The following MFN2 variants were observed in gnomAD, a reference collection of about 807,000 sequenced individuals.
MFN2 encodes mitofusin-2.
A neutral mutation model predicts 87.5 loss-of-function variants in MFN2; 43 were observed. The observed-to-expected ratio is 0.49, with a 90% CI of 0.38 to 0.63. MFN2 has a LOEUF of 0.63. MFN2 is among the 30% of genes least tolerant of loss of function. MFN2 has a pLI of 0.00. For missense variants in MFN2, 743 were observed against 972.8 expected (o/e 0.76, Z 3.14); for synonymous variants, 337 against 359.9 (o/e 0.94, Z 0.72).
intron 3 of MFN2, 93 bp downstream of exon 3, chr1:11,989,436 A>G (rs1638579535): frequency 1.4e-6 from 2 of 1,423,926 alleles, no homozygotes; most frequent in Non-Finnish European, 9.6e-7. Context: ...CTCTGCTCCC[A>G]GGGAAGTCAT....
chr1:11,998,547 C>G (rs1557524441), intron 6 of MFN2, among the ~76,000 whole-genome samples: 1 of 95,908 alleles, frequency 1.0e-5, no homozygotes, highest in African/African-American at 3.9e-5. Flanking sequence ...GACTCTATAT[C>G]CAAAAACAAA....
At chr1:12,000,853 C>T (rs1412005916) in intron 8 of MFN2, among the ~76,000 whole-genome samples, 1 of 152,244 alleles carries the variant, frequency 6.6e-6, no homozygotes, top group African/African-American at 2.4e-5. Flanking sequence ...GTCTAGGGCA[C>T]GTTTAAGCAT....
chr1:11,996,642 A>G (rs1269973263), intron 5 of MFN2, among the ~76,000 whole-genome samples: 1 of 152,030 alleles, frequency 6.6e-6, no homozygotes, highest in Admixed American at 6.6e-5. Context: ...GAATTCCTGC[A>G]TTTGCTGTGT....
chr1:11,997,170 A>G (rs1455366517), intron 5 of MFN2, 127 bp from the exon 6 acceptor site: 2 of 1,414,326 alleles, frequency 1.4e-6, no homozygotes, highest in Non-Finnish European at 9.7e-7. Flanking sequence ...AACTTTTTAT[A>G]TGTGGAAGAA....
At chr1:11,989,919 C>T (rs371110605) in intron 3 of MFN2, among the ~76,000 whole-genome samples, 3 of 152,320 alleles carry the variant, frequency 2.0e-5, no homozygotes, top group South Asian at 4.1e-4. Flanking sequence ...CCCAGGGCCC[C>T]GCTCGTCTGA....
At chr1:11,991,923 C>CAAAAAAAA (rs35314016) in intron 3 of MFN2, among the ~76,000 whole-genome samples, 266 of 16,716 alleles carry the variant, frequency 0.016, 21 homozygotes, top group Middle Eastern at 0.062. Context: ...GACTCCGTCT[C>CAAAAAAAA]AAAAAAAAAA....
chr1:11,991,923 C>CAAAAAA (rs35314016), intron 3 of MFN2, among the ~76,000 whole-genome samples: 996 of 16,712 alleles, frequency 0.06, 193 homozygotes, highest in Non-Finnish European at 0.084. Flanking sequence ...GACTCCGTCT[C>CAAAAAA]AAAAAAAAAA....
chr1:12,003,795 C>T lies in MFN2; in HGVS notation c.1161-197C>T, dbSNP rs117745744. 2.4e-3 allele frequency among the ~76,000 whole-genome samples: 367 copies of T among 152,330 alleles called. 3 individuals carry two copies. The highest frequency in any genetic ancestry group is 4.4e-3 in the East Asian group (23 of 5,184). ...TTTGTGCCCACCACCTGACCCACAT[C>T]GAAGACTGAAGAGTGCATGGTTGGC... On this transcript the variant is annotated intron_variant, in intron 11 of 18. Coordinates refer to ENST00000235329, the MANE Select transcript of MFN2 (RefSeq NM_014874.4). This position sits in a 1 kb window ranked among gnomAD's most constrained non-coding sequence, Gnocchi z 4.1.
Position 12,003,148 on chromosome 1 carries a change from T to G in MFN2, c.1161-844T>G, listed in dbSNP as rs1256008181. The stretch of plus-strand genomic sequence containing the variant: ...TTGTTCATGTGTCCCCTTGTGCACC[T>G]TTTTAAGAGTCTTCCTGGGGTGAGT... On this transcript the variant is annotated intron_variant, in intron 11 of 18. Transcript: ENST00000235329. This position sits in a 1 kb window ranked among gnomAD's most constrained non-coding sequence, Gnocchi z 4.1. 1.1e-4 allele frequency among the ~76,000 whole-genome samples: 16 copies of G among 152,184 alleles called. No individual in the cohort carries two copies. Among genetic ancestry groups the G allele is most frequent in the Admixed American group, 7.9e-4 (12 of 15,280 alleles).
intron 18 of MFN2, 78 bp downstream of exon 18, chr1:12,009,804 G>A (rs959604502): frequency 5.0e-6 from 8 of 1,604,460 alleles, no homozygotes; most frequent in South Asian, 1.1e-5. Context: ...TGCTGGGCTT[G>A]CGTCTTGGGT....
Position 12,004,029 on chromosome 1 carries a change from C to A in MFN2, c.1198C>A (p.Arg400=). Residue 400 remains arginine, a synonymous_variant, in exon 12 of 19, where the codon CGA becomes AGA. Coordinates refer to ENST00000235329, the MANE Select transcript of MFN2 (RefSeq NM_014874.4). The surrounding 1 kb of genome is among the most constrained non-coding windows in gnomAD (Gnocchi z 4.2). ...GGAAATGCGTGAAGAGCGGCAAGACCGACTGAAATTTATTGACAAACAGCT... is the reference window on the plus strand; with the variant it reads ...GGAAATGCGTGAAGAGCGGCAAGACAGACTGAAATTTATTGACAAACAGCT... ...CEEMREERQD[R]LKFIDKQLEL... 1 of 1,614,166 alleles carries A rather than the reference C, an allele frequency of 6.2e-7. No individual in the cohort carries two copies. Among genetic ancestry groups the A allele is most frequent in the Non-Finnish European group, 8.5e-7 (1 of 1,180,032 alleles).
Position 12,004,139 on chromosome 1 carries a change from A to C in MFN2, c.1287+21A>C. The C allele has an allele frequency of 6.2e-7, 1 of 1,613,638 alleles. No individual in the cohort carries two copies. On this transcript the variant is annotated intron_variant, in intron 12 of 18. Coordinates refer to ENST00000235329, the MANE Select transcript of MFN2 (RefSeq NM_014874.4). This position sits in a 1 kb window ranked among gnomAD's most constrained non-coding sequence, Gnocchi z 4.2. The stretch of plus-strand genomic sequence containing the variant: ...GGCAGGTGAGAAATGAGGAGGAGGC[A>C]TTCTGGGAAGATTTGGACTCCGAGT...
chr1:11,983,113 G>A (rs1310660842), intron 2 of MFN2, among the ~76,000 whole-genome samples: 1 of 152,052 alleles, frequency 6.6e-6, no homozygotes, highest in East Asian at 1.9e-4. Flanking sequence ...CTGGAGTGCA[G>A]TGGCGCGATC....
At chr1:11,992,479 G>T (rs543368654) in intron 3 of MFN2, 76 bp from the exon 4 acceptor site, 1 of 1,590,906 alleles carries the variant, frequency 6.3e-7, no homozygotes, top group African/African-American at 1.3e-5. Flanking sequence ...CAGGGCCGGC[G>T]CTCTGGCCCT....
At position 11,980,812 on chromosome 1, in the gene MFN2, G is replaced by A. The variant is rs189331248; in HGVS notation, c.-150+328G>A. Among the ~76,000 whole-genome samples, 622 of 152,330 alleles carry A rather than the reference G, an allele frequency of 4.1e-3. 5 individuals carry two copies. The highest frequency in any genetic ancestry group is 0.014 in the African/African-American group (598 of 41,586). On this transcript the variant is annotated intron_variant, in intron 1 of 18. Transcript: ENST00000235329. ...GCCAGCATTTACTCAGCACCTGATA[G>A]GTGTCCACGTTCACCGCGGGAGCGC...
In MFN2 at chr1:12,004,559, C is replaced by A. The variant is rs376300393; in HGVS notation, c.1338C>A (p.Asp446Glu). 1 of 1,614,100 alleles carries A rather than the reference C, an allele frequency of 6.2e-7. No homozygotes were observed. Among genetic ancestry groups the A allele is most frequent in the Non-Finnish European group, 8.5e-7 (1 of 1,180,016 alleles). The change falls in exon 13 of 19, where the codon GAC becomes GAA. Residue 446 changes from aspartate to glutamate, a missense_variant. Around this residue, in one of 3 missense-constraint regions of MFN2, gnomAD observed 571 missense variants for 670.7 expected, o/e 0.85. Coordinates refer to ENST00000235329, the MANE Select transcript of MFN2 (RefSeq NM_014874.4). The surrounding 1 kb of genome is among the most constrained non-coding windows in gnomAD (Gnocchi z 4.2). ...TCAGGCGCCTCTCTGTACTGGTGGA[C>A]GATTACCAGATGGACTTCCACCCTT... ...EEIRRLSVLV[D>E]DYQMDFHPSP...
chr1:12,010,404 T>C (rs1190487854), intron 18 of MFN2, among the ~76,000 whole-genome samples: 1 of 152,242 alleles, frequency 6.6e-6, no homozygotes, highest in Non-Finnish European at 1.5e-5. Context: ...GGGGAACTTG[T>C]CTGGCATCTC....
rs1639427719 is a variant in MFN2 at position 12,006,572 on chromosome 1, C to G, written c.1751C>G (p.Pro584Arg). Residue 584 changes from proline (P) to arginine (R), a missense_variant, in exon 16 of 19, where the codon CCC (proline) becomes CGC (arginine). By Grantham distance (103) the Pro-to-Arg change is moderately radical. Transcript: ENST00000235329. ...CCCATCCCTCTGACGCCAGCCAACC[C>G]CAGCATGCCCCCACTGCCACAGGGC... ...QRPIPLTPAN[P>R]SMPPLPQGSL... is the part of the protein sequence containing the mutation. The G allele has an allele frequency of 6.2e-7, 1 of 1,614,120 alleles. No individual in the cohort carries two copies. The highest frequency in any genetic ancestry group is 8.5e-7 in the Non-Finnish European group (1 of 1,180,044).
chr1:12,007,965 C>G (rs1398080747), intron 17 of MFN2, among the ~76,000 whole-genome samples: 1 of 152,058 alleles, frequency 6.6e-6, no homozygotes, highest in African/African-American at 2.4e-5. Context: ...GACAAGCATG[C>G]TGCCTTCAAG....
Sources: allele counts gnomAD v4.1 joint callset (sites outside exome capture counted in the v4.1 genomes callset), GRCh38; gene constraint gnomAD v4.1.1; regional missense constraint gnomAD v4.1.1; non-coding constraint Gnocchi (gnomAD v3.1); transcripts MANE v1.5; gene names NCBI Gene and HGNC (gene_info 2026-07-23, HGNC 2026-07-21).